Variants in ARHGEF26 observed in about 807,000 individuals in gnomAD.
ARHGEF26 encodes the protein Rho guanine nucleotide exchange factor 26.
A neutral mutation model predicts 89.4 loss-of-function variants in ARHGEF26; 59 were observed. That is an observed-to-expected ratio of 0.66 (90% CI 0.54 to 0.82). ARHGEF26 has a LOEUF of 0.82. Among genes scored for constraint, ARHGEF26 ranks in the 40% least tolerant of loss-of-function variants. The pLI, the probability that ARHGEF26 is intolerant of heterozygous loss-of-function variation, is 0.00. For missense variants in ARHGEF26, 1,234 were observed against 1,085.6 expected, an observed-to-expected ratio of 1.14 and a Z score of -1.92; for synonymous variants, 500 against 428.4, an observed-to-expected ratio of 1.17 and a Z score of -2.06.
At position 154,225,844 on chromosome 3, in the gene ARHGEF26, C is replaced by A. The variant is rs1716450069; in HGVS notation, c.1936-12C>A. The A allele has an allele frequency of 6.3e-7, 1 of 1,578,094 alleles. No homozygotes were observed. The stretch of plus-strand genomic sequence containing the variant: ...ATTTAGCTTTGGTCACTGGGTTTTT[C>A]TCCTTTTGTAGCCTTTTCCTTTAGT... On this transcript the variant is annotated splice_polypyrimidine_tract_variant and intron_variant, in intron 10 of 14. Transcript: ENST00000465093.
intron 9 of ARHGEF26, among the ~76,000 whole-genome samples, chr3:154,195,304 G>A (rs1229563480): frequency 3.3e-5 from 5 of 152,192 alleles, no homozygotes; most frequent in Admixed American, 2.6e-4. Context: ...CATGTGGCTA[G>A]GATGCAATCT....
chr3:154,223,553 C>T (rs1716272192), intron 10 of ARHGEF26, among the ~76,000 whole-genome samples: 1 of 152,098 alleles, frequency 6.6e-6, no homozygotes, highest in Non-Finnish European at 1.5e-5. Flanking sequence ...GTGGATGAAC[C>T]TTGGAAATGT....
intron 9 of ARHGEF26, among the ~76,000 whole-genome samples, chr3:154,205,577 C>T (rs1230879713): frequency 1.3e-5 from 2 of 152,052 alleles, no homozygotes; most frequent in Non-Finnish European, 2.9e-5. Flanking sequence ...GTTTTGTGGT[C>T]TTCTATTCCT....
intron 4 of ARHGEF26, among the ~76,000 whole-genome samples, chr3:154,134,609 T>C (rs552680558): frequency 1.3e-5 from 2 of 152,214 alleles, no homozygotes; most frequent in African/African-American, 4.8e-5. Flanking sequence ...CCATATCAAC[T>C]ATATTGAATA....
rs1255892154 is a variant in ARHGEF26, at chr3:154,122,636, T to TC, written c.649dup (p.Leu217ProfsTer44). 14 of 1,613,488 alleles carry TC rather than the reference T, an allele frequency of 8.7e-6. No individual in the cohort carries two copies. Among genetic ancestry groups the TC allele is most frequent in the Non-Finnish European group, 1.2e-5 (14 of 1,179,820 alleles). Reference sequence around the variant, plus strand: ...CAGAAAAGTTCTTCGGAACAAAAACTCCCCCTCCAAAGGCTGCCCTCCCAG... The same window carrying TC: ...CAGAAAAGTTCTTCGGAACAAAAACTCCCCCCTCCAAAGGCTGCCCTCCCAG... On this transcript the variant is annotated frameshift_variant, in exon 2 of 15. Coordinates refer to ENST00000465093, the MANE Select transcript of ARHGEF26 (RefSeq NM_015595.4). LOFTEE classifies it high-confidence loss of function.
At chr3:154,184,396 T>C (rs1298253140) in intron 6 of ARHGEF26, among the ~76,000 whole-genome samples, 1 of 152,246 alleles carries the variant, frequency 6.6e-6, no homozygotes, top group Non-Finnish European at 1.5e-5. Context: ...ATATAGTACC[T>C]AGAATTCCAG....
intron 12 of ARHGEF26, among the ~76,000 whole-genome samples, chr3:154,250,685 G>A (rs1210255783): frequency 1.3e-5 from 2 of 152,186 alleles, no homozygotes; most frequent in Non-Finnish European, 2.9e-5. Context: ...GAAGACAGCA[G>A]TATAGGCTAT....
intron 4 of ARHGEF26, among the ~76,000 whole-genome samples, chr3:154,131,484 C>T (rs1718679858): frequency 6.6e-6 from 1 of 152,166 alleles, no homozygotes; most frequent in Non-Finnish European, 1.5e-5. Context: ...CAGCCTTATA[C>T]CCTAATCTAA....
In ARHGEF26 at chr3:154,256,941, A is replaced by C; in HGVS notation, c.*1468A>C. The C allele has an allele frequency of 6.5e-7, 1 of 1,534,118 alleles. No individual in the cohort carries two copies. The highest frequency in any genetic ancestry group is 8.7e-7 in the Non-Finnish European group (1 of 1,146,238). On this transcript the variant is annotated 3_prime_UTR_variant, in exon 15 of 15. Coordinates refer to ENST00000465093, the MANE Select transcript of ARHGEF26 (RefSeq NM_015595.4). ...AGGATGGGAGATTAAGAGGGGGGAAATGATTTTTACTGGCAGCTATATTCC... is the reference window on the plus strand; with the variant it reads ...AGGATGGGAGATTAAGAGGGGGGAACTGATTTTTACTGGCAGCTATATTCC...
chr3:154,188,397 C>G (rs1322966862), intron 7 of ARHGEF26, among the ~76,000 whole-genome samples: 1 of 152,202 alleles, frequency 6.6e-6, no homozygotes, highest in Non-Finnish European at 1.5e-5. Context: ...AGTTATGCAG[C>G]AAAAGAGTTA....
At position 154,219,932 on chromosome 3, in the gene ARHGEF26, A is replaced by C. The variant is rs1454530379; in HGVS notation, c.1935+1974A>C. ...CCGTCTCAAAAAAAACAAAAAACAA[A>C]AAACAAACAAAAAAGTAAGTGATTA... On this transcript the variant is annotated intron_variant, in intron 10 of 14. Coordinates refer to ENST00000465093, the MANE Select transcript of ARHGEF26 (RefSeq NM_015595.4). 9.6e-5 allele frequency among the ~76,000 whole-genome samples: 3 copies of C among 31,374 alleles called. No homozygotes were observed. In the East Asian group the frequency reaches 9.1e-3, roughly 96 times the overall value. The allele number at this position is 31,374 out of a possible 152,430, so 20.6% of individuals were successfully genotyped here.
chr3:154,218,846 G>C (rs988763814), intron 10 of ARHGEF26, among the ~76,000 whole-genome samples: 3 of 152,148 alleles, frequency 2.0e-5, no homozygotes, highest in Non-Finnish European at 4.4e-5. Flanking sequence ...TATGAATGAG[G>C]AAAAGAAACC....
chr3:154,249,470 T>C (rs1371884638), intron 12 of ARHGEF26, among the ~76,000 whole-genome samples: 1 of 152,240 alleles, frequency 6.6e-6, no homozygotes, highest in African/African-American at 2.4e-5. Context: ...ACTACATTTA[T>C]AGACATTTAA....
At chr3:154,131,369 A>T (rs889646753) in intron 4 of ARHGEF26, among the ~76,000 whole-genome samples, 1 of 152,244 alleles carries the variant, frequency 6.6e-6, no homozygotes, top group Admixed American at 6.5e-5. Flanking sequence ...CCAAGAAAGT[A>T]TTCAGATTTG....
rs1718456316 is a variant in ARHGEF26 at position 154,255,705 on chromosome 3, C to T, written c.*232C>T. ...ACACACTTGCAGACCTCCTGAGGTA[C>T]ACAGAATAGCTGAGCAGTTCACTTC... On this transcript the variant is annotated 3_prime_UTR_variant, in exon 15 of 15. Coordinates refer to ENST00000465093, the MANE Select transcript of ARHGEF26 (RefSeq NM_015595.4). 2 of 1,340,554 alleles carry T rather than the reference C, an allele frequency of 1.5e-6. No individual in the cohort carries two copies. Among genetic ancestry groups the T allele is most frequent in the Non-Finnish European group, 1.9e-6 (2 of 1,051,070 alleles). The allele number at this position is 1,340,554 out of a possible 1,614,324, so 83.0% of individuals were successfully genotyped here.
chr3:154,122,028 C>G lies in ARHGEF26; in HGVS notation c.36C>G (p.Asn12Lys), dbSNP rs541643715. 5 of 1,598,642 alleles carry G rather than the reference C, an allele frequency of 3.1e-6. No homozygotes were observed. The Admixed American group carries it at 8.4e-5, about 27-fold the overall frequency. ...DGESEVDFSS[N>K]SITPLWRRRS... Reference sequence around the variant, plus strand: ...AGAGCGAGGTGGATTTTTCTAGCAACAGCATAACCCCTTTGTGGCGGAGGC... The same window carrying G: ...AGAGCGAGGTGGATTTTTCTAGCAAGAGCATAACCCCTTTGTGGCGGAGGC... The change falls in exon 2 of 15, where the codon AAC becomes AAG. Residue 12 changes from asparagine (N) to lysine (K), a missense_variant. Coordinates refer to ENST00000465093, the MANE Select transcript of ARHGEF26 (RefSeq NM_015595.4).
At chr3:154,168,299 G>T (rs1007830635) in intron 6 of ARHGEF26, among the ~76,000 whole-genome samples, 1 of 152,048 alleles carries the variant, frequency 6.6e-6, no homozygotes, top group Non-Finnish European at 1.5e-5. Flanking sequence ...CAAAGAGGCT[G>T]TACACGTTGG....
At chr3:154,161,509 A>G (rs1446712335) in intron 6 of ARHGEF26, among the ~76,000 whole-genome samples, 2 of 152,150 alleles carry the variant, frequency 1.3e-5, no homozygotes, top group Admixed American at 6.5e-5. Context: ...GTTATTACTA[A>G]ATGATTTTTA....
At chr3:154,237,538 TCACACACACACACACACACACA>T (rs71152796) in intron 11 of ARHGEF26, among the ~76,000 whole-genome samples, 15 of 143,202 alleles carry the variant, frequency 1.0e-4, no homozygotes, top group Non-Finnish European at 1.8e-4. Flanking sequence ...TGAGACTCCG[TCACACACACACACACACACACA>T]CACACACACA....
Sources: gnomAD v4.1 joint callset for allele counts (sites outside exome capture counted in the v4.1 genomes callset) on GRCh38, gnomAD v4.1.1 for gene constraint, MANE v1.5 for transcripts, NCBI Gene and HGNC (gene_info 2026-07-23, HGNC 2026-07-21) for gene names.